Variants in CFAP47 observed in about 807,000 individuals in gnomAD.
CFAP47 encodes cilia and flagella associated protein 47.
Under a neutral mutation model 148.1 loss-of-function variants are expected in CFAP47, and 29 were observed. That is an observed-to-expected ratio of 0.20 (90% CI 0.15 to 0.27). CFAP47 has a LOEUF of 0.27. CFAP47 is among the 10% of genes least tolerant of loss of function. The pLI is 1.00. For synonymous variants in CFAP47, 664 were observed against 577.3 expected, an observed-to-expected ratio of 1.15 and a Z score of -2.15; for missense variants, 1,872 against 1,697.5, an observed-to-expected ratio of 1.10 and a Z score of -1.81.
chrX:36,050,034 C>G (rs1937512063), intron 26 of CFAP47, among the ~76,000 whole-genome samples: 1 of 112,048 alleles, frequency 8.9e-6, no homozygotes, highest in Admixed American at 9.5e-5. Flanking sequence ...CCTTCACTTT[C>G]TGCCATGATT....
chrX:36,310,628 T>C (rs1397645643), intron 55 of CFAP47, among the ~76,000 whole-genome samples: 1 of 111,188 alleles, frequency 9.0e-6, no homozygotes, highest in Admixed American at 9.6e-5. Flanking sequence ...TTTGCCCTCT[T>C]CTGCCTCAAA....
intron 57 of CFAP47, among the ~76,000 whole-genome samples, chrX:36,329,528 A>G (rs1392693763): frequency 1.8e-5 from 2 of 111,986 alleles, no homozygotes; most frequent in Admixed American, 1.9e-4. Context: ...ACAAATTTGA[A>G]TACAATATAT....
chrX:36,312,838 T>C (rs1431685211), intron 56 of CFAP47, among the ~76,000 whole-genome samples: 1 of 111,339 alleles, frequency 9.0e-6, no homozygotes, highest in South Asian at 3.7e-4. Flanking sequence ...TTCTCCCCCT[T>C]CTTCCTTAAA....
intron 63 of CFAP47, among the ~76,000 whole-genome samples, chrX:36,382,512 C>A (rs1231986759): frequency 9.0e-6 from 1 of 111,420 alleles, no homozygotes; most frequent in Admixed American, 9.6e-5. Flanking sequence ...TTGAAGCAGG[C>A]AGTGATATGA....
At chrX:36,199,920 T>G (rs1252182581) in intron 42 of CFAP47, among the ~76,000 whole-genome samples, 2 of 112,133 alleles carry the variant, frequency 1.8e-5, no homozygotes, top group Non-Finnish European at 3.8e-5. Context: ...ACTTCTGGTC[T>G]AATTATTTTT....
chrX:36,385,036 A>G lies in CFAP47; in HGVS notation c.*30A>G. 1 of 967,020 alleles carries G rather than the reference A, an allele frequency of 1.0e-6. No homozygotes were observed. 79.7% of individuals were successfully genotyped at this position (967,020 alleles called of 1,213,427 possible). On this transcript the variant is annotated 3_prime_UTR_variant, in exon 64 of 64. Transcript: ENST00000378653. Reference sequence around the variant, plus strand: ...TTTTTCCAAAATATTTCTTGGTCTCAGGTAGAACTTTGATGACTATTATTT... The same window carrying G: ...TTTTTCCAAAATATTTCTTGGTCTCGGGTAGAACTTTGATGACTATTATTT...
Position 35,923,818 on chromosome X carries a change from GA to G in CFAP47, c.250-2189del, listed in dbSNP as rs775947756. ...CTGGCGACAGAACGAGAATCCGTCTGAAAAAAAAAAGTGTATATATATATAT... is the reference window on the plus strand; with the variant it reads ...CTGGCGACAGAACGAGAATCCGTCTGAAAAAAAAAGTGTATATATATATAT... On this transcript the variant is annotated intron_variant, in intron 1 of 63. Coordinates refer to ENST00000378653, the MANE Select transcript of CFAP47 (RefSeq NM_001304548.2). Among the ~76,000 whole-genome samples the G allele has an allele frequency of 1.9e-4, 16 of 84,541 alleles. No individual in the cohort carries two copies. In the South Asian group the frequency reaches 2.2e-3, roughly 12 times the overall value. 73.4% of individuals were successfully genotyped at this position (84,541 alleles called of 115,157 possible).
intron 33 of CFAP47, among the ~76,000 whole-genome samples, chrX:36,111,347 C>A (rs1203541176): frequency 8.9e-6 from 1 of 112,112 alleles, no homozygotes; most frequent in Non-Finnish European, 1.9e-5. Context: ...ATTTCTGCAT[C>A]TATTAAGATA....
At chrX:36,299,183 T>G (rs1200605496) in intron 52 of CFAP47, 31 bp downstream of exon 52, 1 of 874,054 alleles carries the variant, frequency 1.1e-6, no homozygotes. Flanking sequence ...TATATTTCAT[T>G]GTTGATCCTT....
chrX:36,258,949 C>T (rs1211983489), intron 49 of CFAP47, among the ~76,000 whole-genome samples: 1 of 111,726 alleles, frequency 9.0e-6, no homozygotes, highest in Non-Finnish European at 1.9e-5. Context: ...CAATATTATC[C>T]TTCTCTAACT....
intron 21 of CFAP47, among the ~76,000 whole-genome samples, chrX:36,009,261 A>G (rs983987392): frequency 1.2e-4 from 13 of 111,011 alleles, no homozygotes; most frequent in African/African-American, 3.3e-4. Context: ...AGCCTTAAAA[A>G]TAAAATAATA....
intron 49 of CFAP47, among the ~76,000 whole-genome samples, chrX:36,256,136 G>A (rs1202386432): frequency 8.9e-6 from 1 of 112,077 alleles, no homozygotes; most frequent in East Asian, 2.8e-4. Flanking sequence ...GGATTAGTGT[G>A]TAACCAACTG....
At chrX:35,922,057 C>T (rs1292431528) in intron 1 of CFAP47, among the ~76,000 whole-genome samples, 1 of 111,191 alleles carries the variant, frequency 9.0e-6, no homozygotes, top group African/African-American at 3.3e-5. Context: ...ATCTCACGAA[C>T]ACTATCCATC....
chrX:36,068,068 G>A (rs780974956), intron 27 of CFAP47, among the ~76,000 whole-genome samples: 2 of 112,046 alleles, frequency 1.8e-5, no homozygotes, highest in Non-Finnish European at 3.8e-5. Context: ...TTAGCAAGTG[G>A]TTTAGTTGTC....
intron 35 of CFAP47, among the ~76,000 whole-genome samples, chrX:36,144,279 G>A (rs1008761353): frequency 6.3e-5 from 7 of 110,654 alleles, no homozygotes; most frequent in Admixed American, 2.9e-4. Flanking sequence ...TAGCTTTTAC[G>A]GAGTCTGAGG....
chrX:35,979,985 T>TA (rs1359965076), intron 15 of CFAP47, among the ~76,000 whole-genome samples: 1 of 111,977 alleles, frequency 8.9e-6, no homozygotes, highest in African/African-American at 3.2e-5. Flanking sequence ...CACTGTTTGA[T>TA]ACCTGTTCAA....
chrX:36,259,603 A>G (rs1298453129), intron 49 of CFAP47, among the ~76,000 whole-genome samples: 1 of 111,549 alleles, frequency 9.0e-6, no homozygotes, highest in Admixed American at 9.5e-5. Context: ...TTTTAGGCAC[A>G]TCGTTTGTCA....
At chrX:36,064,219 A>G (rs1205189269) in intron 26 of CFAP47, among the ~76,000 whole-genome samples, 1 of 112,453 alleles carries the variant, frequency 8.9e-6, no homozygotes, top group African/African-American at 3.2e-5. Flanking sequence ...CACAATTTGT[A>G]GAAGTACTGA....
intron 45 of CFAP47, among the ~76,000 whole-genome samples, chrX:36,212,544 T>C (rs1490267622): frequency 1.8e-5 from 2 of 111,710 alleles, no homozygotes; most frequent in Non-Finnish European, 1.9e-5. Flanking sequence ...AATTTTTTTT[T>C]ATGTCTTTAG....
Sources: allele counts gnomAD v4.1 joint callset (sites outside exome capture counted in the v4.1 genomes callset), GRCh38; gene constraint gnomAD v4.1.1; transcripts MANE v1.5; gene names NCBI Gene and HGNC (gene_info 2026-07-23, HGNC 2026-07-21).